The following WDR31 variants were observed in gnomAD, a reference collection of about 807,000 sequenced individuals.
WDR31 encodes WD repeat-containing protein 31.
A neutral mutation model predicts 47.3 loss-of-function variants in WDR31; 30 were observed. The ratio of observed to expected loss-of-function variants is 0.63; its 90% CI spans 0.47 to 0.86. The LOEUF (loss-of-function observed/expected upper bound fraction) is 0.86, where lower values mean the gene tolerates loss of function less well. Ranked by LOEUF, WDR31 falls within the 40% of genes least tolerant of loss-of-function variation. The pLI, the probability that WDR31 is intolerant of heterozygous loss-of-function variation, is 0.00. For missense variants in WDR31, 406 were observed against 442.9 expected (o/e 0.92, Z 0.75); for synonymous variants, 137 against 159.4 (o/e 0.86, Z 1.06).
At chr9:113,318,017 T>C (rs1833246512) in intron 10 of WDR31, among the ~76,000 whole-genome samples, 1 of 152,232 alleles carries the variant, frequency 6.6e-6, no homozygotes, top group Non-Finnish European at 1.5e-5. Context: ...AAGACATCTT[T>C]TTTCTCTGAT....
In WDR31 at chr9:113,321,514, A is replaced by G. The variant is rs753792605; in HGVS notation, c.635T>C (p.Leu212Pro). 3 of 1,614,102 alleles carry G rather than the reference A, an allele frequency of 1.9e-6. No individual in the cohort carries two copies. The highest frequency in any genetic ancestry group is 1.7e-4 in the Middle Eastern group (1 of 6,060). ...CACAGCTGCTCAGTAAGCCCACCTG[A>G]GGGTTTTATCTTCAGAGGTCTGTAG... is the stretch of plus-strand genomic sequence containing the variant. The part of the protein sequence containing the change: ...YILQTSEDKT[L>P]RLWDSRGLQV... Residue 212 changes from leucine (L) to proline (P), a missense_variant, in exon 8 of 11, where the codon CTC becomes CCC. Leu to Pro is a moderately conservative substitution (Grantham distance 98). Coordinates refer to ENST00000374193, the MANE Select transcript of WDR31 (RefSeq NM_001012361.4).
intron 5 of WDR31, among the ~76,000 whole-genome samples, chr9:113,323,833 T>G (rs1390503490): frequency 2.0e-5 from 3 of 152,236 alleles, no homozygotes; most frequent in African/African-American, 7.2e-5. Flanking sequence ...AAATGGATGC[T>G]GTACTGTTAT....
At chr9:113,318,360 G>C in intron 10 of WDR31, 115 bp downstream of exon 10, 1 of 1,210,152 alleles carries the variant, frequency 8.3e-7, no homozygotes, top group Non-Finnish European at 1.2e-6. Context: ...CATGAGACTG[G>C]ACAGTGGCAG....
Position 113,316,426 on chromosome 9 carries a change from C to G in WDR31, c.*323G>C, listed in dbSNP as rs578167847. On this transcript the variant is annotated 3_prime_UTR_variant, in exon 11 of 11. Coordinates refer to ENST00000374193, the MANE Select transcript of WDR31 (RefSeq NM_001012361.4). ...GTGTTCTGACTTTCACAGACAGAGG[C>G]CTGCCACTCTTACATTTACAGGTCA... is the stretch of plus-strand genomic sequence containing the variant. 7 of 209,356 alleles carry G rather than the reference C, an allele frequency of 3.3e-5. No homozygotes were observed. The highest frequency in any genetic ancestry group is 5.7e-5 in the Non-Finnish European group (6 of 104,420). 13.0% of individuals were successfully genotyped at this position (209,356 alleles called of 1,614,324 possible).
intron 1 of WDR31, among the ~76,000 whole-genome samples, chr9:113,338,139 A>G (rs1305407653): frequency 6.9e-6 from 1 of 143,898 alleles, no homozygotes; most frequent in Non-Finnish European, 1.6e-5. Flanking sequence ...TTGCAAGATT[A>G]ACAGTGATCA....
chr9:113,331,966 C>T lies in WDR31; in HGVS notation c.57G>A (p.Arg19=). 1 of 1,614,078 alleles carries T rather than the reference C, an allele frequency of 6.2e-7. No individual in the cohort carries two copies. Among genetic ancestry groups the T allele is most frequent in the Non-Finnish European group, 8.5e-7 (1 of 1,179,924 alleles). The part of the protein sequence containing the change: ...KQAPPQKVSF[R]FCVVMGKQQS... Reference sequence around the variant, plus strand: ...GCTGTTTCCCCATCACGACACAAAACCTAAACGAAACCTTCTGTGGAGGAG... The same window carrying T: ...GCTGTTTCCCCATCACGACACAAAATCTAAACGAAACCTTCTGTGGAGGAG... The change falls in exon 3 of 11, where the codon AGG becomes AGA. Residue 19 remains arginine, a synonymous_variant. Coordinates refer to ENST00000374193, the MANE Select transcript of WDR31 (RefSeq NM_001012361.4).
In WDR31 at chr9:113,321,457, A is replaced by G; in HGVS notation, c.638+54T>C. ...AGAGTGGGAATGGAGCCATGTATGC[A>G]TGGGAGCCACAAACCTCACAAGAAA... is the stretch of plus-strand genomic sequence containing the variant. On this transcript the variant is annotated intron_variant, in intron 8 of 10. Coordinates refer to ENST00000374193, the MANE Select transcript of WDR31 (RefSeq NM_001012361.4). 4.5e-6 allele frequency: 7 copies of G among 1,564,162 alleles called. No homozygotes were observed. In the South Asian group the frequency reaches 5.6e-5, roughly 13 times the overall value.
intron 1 of WDR31, among the ~76,000 whole-genome samples, chr9:113,338,770 C>T (rs1833768151): frequency 6.6e-6 from 1 of 152,126 alleles, no homozygotes; most frequent in Non-Finnish European, 1.5e-5. Context: ...AGGCGCCTGC[C>T]ACCACGCCCA....
chr9:113,320,489 G>A lies in WDR31; in HGVS notation c.648C>T (p.Asp216=). The A allele has an allele frequency of 1.2e-6, 2 of 1,613,746 alleles. No individual in the cohort carries two copies. Among genetic ancestry groups the A allele is most frequent in the Non-Finnish European group, 1.7e-6 (2 of 1,179,812 alleles). The change falls in exon 9 of 11, where the codon GAC becomes GAT. Residue 216 remains aspartate (D), a synonymous_variant. Coordinates refer to ENST00000374193, the MANE Select transcript of WDR31 (RefSeq NM_001012361.4). The part of the protein sequence containing the change: ...TSEDKTLRLW[D]SRGLQVAHMF... ...TATGAGCTACCTGCAGCCCCCGACT[G>A]TCCCATAATCTGAAAGAGATTAGGG...
rs1329431961 is a variant in WDR31, at chr9:113,320,390, G to A, written c.747C>T (p.Ser249=). 2.5e-6 allele frequency: 4 copies of A among 1,614,212 alleles called. No homozygotes were observed. The highest frequency in any genetic ancestry group is 1.6e-4 in the Middle Eastern group (1 of 6,062). The change falls in exon 9 of 11, where the codon AGC becomes AGT. Residue 249 remains serine, a synonymous_variant. Coordinates refer to ENST00000374193, the MANE Select transcript of WDR31 (RefSeq NM_001012361.4). ...SVDGHKCISC[S]NGFGGEGCEA... is the part of the protein sequence containing the mutation. ...CACAGCCTTCTCCTCCAAAGCCATT[G>A]CTGCAGGAGATACACTTGTGTCCAT...
chr9:113,340,105 C>T (rs1176100873), intron 1 of WDR31, 112 bp downstream of exon 1: 1 of 152,316 alleles, frequency 6.6e-6, no homozygotes, highest in Non-Finnish European at 1.5e-5. Flanking sequence ...CTAGCGCCAC[C>T]CAGCCCAAGG....
intron 5 of WDR31, among the ~76,000 whole-genome samples, chr9:113,327,748 T>C (rs968852963): frequency 6.6e-6 from 1 of 152,116 alleles, no homozygotes; most frequent in Non-Finnish European, 1.5e-5. Flanking sequence ...GGTCAGGAGT[T>C]GGAGACCAGC....
At position 113,320,412 on chromosome 9, in the gene WDR31, C is replaced by T. The variant is rs1196932608; in HGVS notation, c.725G>A (p.Gly242Glu). The change falls in exon 9 of 11, where the codon GGA becomes GAA. Residue 242 changes from glycine to glutamate, a missense_variant. By Grantham distance (98) the Gly-to-Glu change is moderately conservative. Coordinates refer to ENST00000374193, the MANE Select transcript of WDR31 (RefSeq NM_001012361.4). ...IQTYCEVSVD[G>E]HKCISCSNGF... ...ATTGCTGCAGGAGATACACTTGTGT[C>T]CATCCACACTGACTTCACAGTAGGT... The T allele has an allele frequency of 6.2e-7, 1 of 1,614,246 alleles. No homozygotes were observed. Among genetic ancestry groups the T allele is most frequent in the Non-Finnish European group, 8.5e-7 (1 of 1,180,036 alleles).
chr9:113,323,129 C>T lies in WDR31; in HGVS notation c.351G>A (p.Gln117=), dbSNP rs1271542125. 4.3e-6 allele frequency: 7 copies of T among 1,613,914 alleles called. No homozygotes were observed. The highest frequency in any genetic ancestry group is 8.5e-7 in the Non-Finnish European group (1 of 1,179,992). The change falls in exon 6 of 11, where the codon CAG becomes CAA. Residue 117 remains glutamine, a synonymous_variant. Coordinates refer to ENST00000374193, the MANE Select transcript of WDR31 (RefSeq NM_001012361.4). The stretch of plus-strand genomic sequence containing the variant: ...TCCTGTCACGAGAGGCACTGAAGAA[C>T]TGGCTGGATTTGGGAATACAGGCTA... ...TKVACIPKSS[Q]FFSASRDRMV...
intron 1 of WDR31, among the ~76,000 whole-genome samples, chr9:113,339,772 G>A (rs1336936948): frequency 1.3e-5 from 2 of 152,102 alleles, no homozygotes; most frequent in African/African-American, 2.4e-5. Flanking sequence ...CTCGAGTCTC[G>A]CTCTGTCACC....
rs181695877 is a variant in WDR31 at position 113,320,417 on chromosome 9, C to A, written c.720G>T (p.Val240=). 1 of 1,614,250 alleles carries A rather than the reference C, an allele frequency of 6.2e-7. No individual in the cohort carries two copies. Among genetic ancestry groups the A allele is most frequent in the East Asian group, 2.2e-5 (1 of 44,896 alleles). Residue 240 remains valine, a synonymous_variant, in exon 9 of 11, where the codon GTG becomes GTT. Transcript: ENST00000374193. ...TGCAGGAGATACACTTGTGTCCATCCACACTGACTTCACAGTAGGTCTGAA... is the reference window on the plus strand; with the variant it reads ...TGCAGGAGATACACTTGTGTCCATCAACACTGACTTCACAGTAGGTCTGAA... The part of the protein sequence containing the change: ...QHIQTYCEVS[V]DGHKCISCSN...
At chr9:113,319,758 T>C (rs1475580265) in intron 9 of WDR31, among the ~76,000 whole-genome samples, 2 of 152,194 alleles carry the variant, frequency 1.3e-5, no homozygotes, top group Non-Finnish European at 2.9e-5. Context: ...CTTGAGCTTC[T>C]TTTACTGTGG....
intron 6 of WDR31, 37 bp from the exon 7 acceptor site, chr9:113,322,948 G>A (rs758405521): frequency 5.0e-5 from 80 of 1,613,862 alleles, no homozygotes; most frequent in African/African-American, 8.0e-5. Context: ...CCTGTGAGTG[G>A]GGACCTGAAC....
intron 9 of WDR31, among the ~76,000 whole-genome samples, chr9:113,318,916 A>C (rs1382957158): frequency 6.6e-6 from 1 of 152,182 alleles, no homozygotes; most frequent in Non-Finnish European, 1.5e-5. Context: ...AGGGAAGTAA[A>C]AGCTCCCAGT....
Sources: allele counts gnomAD v4.1 joint callset (sites outside exome capture counted in the v4.1 genomes callset), GRCh38; gene constraint gnomAD v4.1.1; transcripts MANE v1.5; gene names NCBI Gene and HGNC (gene_info 2026-07-23, HGNC 2026-07-21).